The following CCDC88C variants were observed in gnomAD, a reference collection of about 807,000 sequenced individuals.
CCDC88C encodes coiled-coil and HOOK domain protein 88C.
Under a neutral mutation model 198.8 loss-of-function variants are expected in CCDC88C, and 131 were observed. That is an observed-to-expected ratio of 0.66 (90% CI 0.57 to 0.76). The LOEUF (loss-of-function observed/expected upper bound fraction) is 0.76. Among genes scored for constraint, CCDC88C ranks in the 30% least tolerant of loss-of-function variants. The pLI, the probability that CCDC88C is intolerant of heterozygous loss-of-function variation, is 0.00. For missense variants in CCDC88C, 2,553 were observed against 2,631.6 expected (o/e 0.97, Z 0.65); for synonymous variants, 1,166 against 1,114.7 (o/e 1.05, Z -0.92).
At chr14:91,389,786 T>A (rs1296205628) in intron 3 of CCDC88C, among the ~76,000 whole-genome samples, 1 of 151,268 alleles carries the variant, frequency 6.6e-6, no homozygotes, top group Non-Finnish European at 1.5e-5. Flanking sequence ...GAAAAGCTTT[T>A]TCTTGGCCAG....
intron 23 of CCDC88C, among the ~76,000 whole-genome samples, chr14:91,293,414 AC>A (rs1890801269): frequency 7.9e-5 from 1 of 12,714 alleles, no homozygotes. Context: ...CTGCCCCCTC[AC>A]CTGCCACGGC....
chr14:91,320,024 C>CA (rs61102058), intron 13 of CCDC88C, among the ~76,000 whole-genome samples: 3,108 of 24,096 alleles, frequency 0.13, 410 homozygotes, highest in Non-Finnish European at 0.21. Context: ...AACTCAGTCT[C>CA]AAAAAAAAAA....
chr14:91,331,645 G>C (rs557101761), intron 10 of CCDC88C, among the ~76,000 whole-genome samples: 60 of 152,324 alleles, frequency 3.9e-4, no homozygotes, highest in Non-Finnish European at 7.2e-4. Context: ...CCCTCTGGCT[G>C]ACCCCTCACT....
intron 3 of CCDC88C, among the ~76,000 whole-genome samples, chr14:91,392,400 G>GATT (rs1885560095): frequency 6.6e-6 from 1 of 152,284 alleles, no homozygotes; most frequent in South Asian, 2.1e-4. Flanking sequence ...CCAGAGCAGG[G>GATT]AAGGACACCT....
chr14:91,358,916 G>A (rs984437121), intron 4 of CCDC88C, among the ~76,000 whole-genome samples: 24 of 152,120 alleles, frequency 1.6e-4, no homozygotes, highest in Admixed American at 4.6e-4. Context: ...AATGAGCTCC[G>A]TCACCGAGCA....
rs755967067 is a variant in CCDC88C, at chr14:91,273,070, A to G, written c.5642T>C (p.Leu1881Pro). ...AGCCAGGGAGAAGCGCCTCGTGTCC[A>G]GCGGCCGGCTGCGGGGACCTGGGCC... ...CQGPGPRSRPLDTRRFSLAPP... is the reference protein window; with the variant it reads ...CQGPGPRSRPPDTRRFSLAPP... Residue 1881 changes from leucine (L) to proline (P), a missense_variant, in exon 30 of 30, where the codon CTG (leucine) becomes CCG (proline). Coordinates refer to ENST00000389857, the MANE Select transcript of CCDC88C (RefSeq NM_001080414.4). This position sits in a 1 kb window ranked among gnomAD's most constrained non-coding sequence, Gnocchi z 5.6. The G allele has an allele frequency of 6.4e-7, 1 of 1,559,888 alleles. No individual in the cohort carries two copies. The highest frequency in any genetic ancestry group is 8.7e-7 in the Non-Finnish European group (1 of 1,152,908).
At chr14:91,372,709 C>T (rs1189044970) in intron 3 of CCDC88C, among the ~76,000 whole-genome samples, 3 of 152,160 alleles carry the variant, frequency 2.0e-5, no homozygotes, top group African/African-American at 7.2e-5. Flanking sequence ...CCAGCCCTGT[C>T]TGCACGTTAT....
rs766734077 is a variant in CCDC88C at position 91,343,656 on chromosome 14, C to G, written c.342G>C (p.Gly114=). The G allele has an allele frequency of 4.3e-6, 7 of 1,613,578 alleles. No individual in the cohort carries two copies. The highest frequency in any genetic ancestry group is 5.9e-6 in the Non-Finnish European group (7 of 1,179,850). ...CCTTCTTGATTTCCTCCATGCTCTT[C>G]CCTAGATCAAGAGAGCAACACATTT... The part of the protein sequence containing the change: ...VLMIGRDPLS[G]KSMEEIKKVL... Residue 114 remains glycine (G), a splice_region_variant and synonymous_variant, in exon 5 of 30, where the codon GGG becomes GGC. Coordinates refer to ENST00000389857, the MANE Select transcript of CCDC88C (RefSeq NM_001080414.4).
rs1376826578 is a variant in CCDC88C, at chr14:91,277,912, G to T, written c.5058+10C>A. 1 of 1,485,604 alleles carries T rather than the reference G, an allele frequency of 6.7e-7. No individual in the cohort carries two copies. 92.0% of individuals were successfully genotyped at this position (1,485,604 alleles called of 1,614,324 possible). ...GAGAGACGGGCCAAGTCCGTGTCCG[G>T]ATCACTCACATGGGTGGGGGAGCTG... On this transcript the variant is annotated intron_variant, in intron 29 of 29. Coordinates refer to ENST00000389857, the MANE Select transcript of CCDC88C (RefSeq NM_001080414.4).
At chr14:91,275,916 G>C (rs1268383127) in intron 29 of CCDC88C, among the ~76,000 whole-genome samples, 3 of 142,202 alleles carry the variant, frequency 2.1e-5, no homozygotes, top group African/African-American at 2.6e-5. Context: ...CCGCCTCCCG[G>C]GTTCACGCCA....
chr14:91,359,527 A>C (rs1363474876), intron 4 of CCDC88C, 115 bp downstream of exon 4: 4 of 750,490 alleles, frequency 5.3e-6, no homozygotes, highest in Non-Finnish European at 7.0e-6. Context: ...CAAAACGATC[A>C]CGTGTTTTCA....
chr14:91,338,690 G>A lies in CCDC88C; in HGVS notation c.810-120C>T. ...GGAAAGGACTCGGGATTTGGGCGGT[G>A]GGGAGGCGATCTGCTTATGGGGCCT... On this transcript the variant is annotated intron_variant, in intron 8 of 29. Transcript: ENST00000389857. The surrounding 1 kb of genome is among the most constrained non-coding windows in gnomAD (Gnocchi z 4.8). 1.4e-6 allele frequency: 1 copy of A among 730,316 alleles called. No homozygotes were observed. Among genetic ancestry groups the A allele is most frequent in the Non-Finnish European group, 2.4e-6 (1 of 422,556 alleles). 45.2% of individuals were successfully genotyped at this position (730,316 alleles called of 1,614,324 possible).
In CCDC88C at chr14:91,281,542, G is replaced by A; in HGVS notation, c.4631-17C>T. 6.2e-7 allele frequency: 1 copy of A among 1,612,958 alleles called. No individual in the cohort carries two copies. The highest frequency in any genetic ancestry group is 8.5e-7 in the Non-Finnish European group (1 of 1,179,114). On this transcript the variant is annotated splice_polypyrimidine_tract_variant and intron_variant, in intron 26 of 29. Coordinates refer to ENST00000389857, the MANE Select transcript of CCDC88C (RefSeq NM_001080414.4). ...AGTTATAGCCTAAGGTGAAAATAAGGCTAGTGAGTCATGGTTACGGAACAT... is the reference window on the plus strand; with the variant it reads ...AGTTATAGCCTAAGGTGAAAATAAGACTAGTGAGTCATGGTTACGGAACAT...
chr14:91,380,345 T>C (rs1347959641), intron 3 of CCDC88C, among the ~76,000 whole-genome samples: 1 of 152,152 alleles, frequency 6.6e-6, no homozygotes, highest in Non-Finnish European at 1.5e-5. Context: ...ACAGTGCTGG[T>C]GTAGGAGTCA....
Position 91,273,297 on chromosome 14 carries a change from G to A in CCDC88C, c.5415C>T (p.Phe1805=), listed in dbSNP as rs1210825225. The stretch of plus-strand genomic sequence containing the variant: ...GGAGAAGGTCAGCTGAGGCCAGGCT[G>A]AAGGCCCGGCTCAAGGAGGCACTGC... ...ASRSASLSRA[F]SLASADLLRA... Residue 1805 remains phenylalanine, a synonymous_variant, in exon 30 of 30, where the codon TTC becomes TTT. Transcript: ENST00000389857. This position sits in a 1 kb window ranked among gnomAD's most constrained non-coding sequence, Gnocchi z 5.6. The A allele has an allele frequency of 1.9e-6, 3 of 1,559,038 alleles. No homozygotes were observed. The highest frequency in any genetic ancestry group is 1.4e-5 in the African/African-American group (1 of 73,588).
rs972308989 is a variant in CCDC88C, at chr14:91,352,188, G to A, written c.340+7454C>T. Among the ~76,000 whole-genome samples the A allele has an allele frequency of 7.2e-5, 11 of 152,246 alleles. No homozygotes were observed. The highest frequency in any genetic ancestry group is 2.0e-4 in the Admixed American group (3 of 15,286). On this transcript the variant is annotated intron_variant, in intron 4 of 29. Coordinates refer to ENST00000389857, the MANE Select transcript of CCDC88C (RefSeq NM_001080414.4). This position sits in a 1 kb window ranked among gnomAD's most constrained non-coding sequence, Gnocchi z 4.2. ...GGTGGCCACAGAGAGTAGGGCTGCT[G>A]GAAGCCATGGTGTGGCTGTTGCAGC...
chr14:91,305,776 C>A lies in CCDC88C; in HGVS notation c.3346G>T (p.Ala1116Ser), dbSNP rs747270341. Reference sequence around the variant, plus strand: ...GGAGCCCCGCTCACCTGCAGCTTGGCGGTCTGGGTCTGCAGTGTGGTGTTG... The same window carrying A: ...GGAGCCCCGCTCACCTGCAGCTTGGAGGTCTGGGTCTGCAGTGTGGTGTTG... Reference protein sequence around the residue: ...EHNTTLQTQTAKLQVENSTLS... With the variant: ...EHNTTLQTQTSKLQVENSTLS... The change falls in exon 19 of 30, where the codon GCC becomes TCC. Residue 1116 changes from alanine (A) to serine (S), a missense_variant. By Grantham distance (99) the Ala-to-Ser change is moderately conservative. This residue lies in a region of CCDC88C where 1,260 missense variants were observed against 1,412.0 expected (regional missense o/e 0.89). Coordinates refer to ENST00000389857, the MANE Select transcript of CCDC88C (RefSeq NM_001080414.4). 1.2e-6 allele frequency: 2 copies of A among 1,600,114 alleles called. No individual in the cohort carries two copies. Among genetic ancestry groups the A allele is most frequent in the Admixed American group, 1.7e-5 (1 of 59,778 alleles).
intron 15 of CCDC88C, among the ~76,000 whole-genome samples, chr14:91,310,504 C>G (rs1344246299): frequency 6.6e-6 from 1 of 152,162 alleles, no homozygotes; most frequent in African/African-American, 2.4e-5. Context: ...CCTTGAACTC[C>G]TGGCTCAGGT....
At chr14:91,305,636 A>G (rs1322118899) in intron 19 of CCDC88C, 129 bp downstream of exon 19, 1 of 881,544 alleles carries the variant, frequency 1.1e-6, no homozygotes, top group African/African-American at 1.7e-5. Context: ...TCTATTAACA[A>G]AATCCCAAAC....
Sources: allele counts gnomAD v4.1 joint callset (sites outside exome capture counted in the v4.1 genomes callset), GRCh38; gene constraint gnomAD v4.1.1; regional missense constraint gnomAD v4.1.1; non-coding constraint Gnocchi (gnomAD v3.1); transcripts MANE v1.5; gene names NCBI Gene and HGNC (gene_info 2026-07-23, HGNC 2026-07-21).